ACSS3: variants seen among roughly 807,000 people sequenced by gnomAD.
The protein encoded by ACSS3 is acyl-CoA synthetase short chain family member 3, also known as acyl-CoA synthetase short-chain family member 3, mitochondrial.
A neutral mutation model predicts 84.2 loss-of-function variants in ACSS3; 64 were observed. The ratio of observed to expected loss-of-function variants is 0.76; its 90% CI spans 0.62 to 0.94. The LOEUF is 0.94. Among genes scored for constraint, ACSS3 ranks in the 40% least tolerant of loss-of-function variants. The probability of loss-of-function intolerance (pLI) is 0.00; values close to 1 mark genes in which losing one functional copy is unlikely to be tolerated. For synonymous variants in ACSS3, 317 were observed against 310.1 expected (o/e 1.02, Z -0.23); for missense variants, 815 against 867.6 (o/e 0.94, Z 0.76).
intron 7 of ACSS3, among the ~76,000 whole-genome samples, chr12:81,163,155 T>C (rs1887238022): frequency 6.6e-6 from 1 of 152,198 alleles, no homozygotes; most frequent in East Asian, 1.9e-4. Context: ...AGAAATGAAC[T>C]CTGTAGTCTT....
chr12:81,230,551 G>T (rs543644988), intron 11 of ACSS3, among the ~76,000 whole-genome samples: 18 of 151,914 alleles, frequency 1.2e-4, no homozygotes, highest in African/African-American at 3.9e-4. Flanking sequence ...AGAGGAGGAA[G>T]CAGTGAGAGA....
At chr12:81,250,815 A>G (rs1357292015) in intron 13 of ACSS3, among the ~76,000 whole-genome samples, 1 of 152,214 alleles carries the variant, frequency 6.6e-6, no homozygotes, top group Non-Finnish European at 1.5e-5. Context: ...AGGGAATACC[A>G]AGTCAGAATT....
At position 81,174,946 on chromosome 12, in the gene ACSS3, T is replaced by C. The variant is rs1829365903; in HGVS notation, c.1250+7T>C. On this transcript the variant is annotated splice_region_variant and intron_variant, in intron 8 of 15. Transcript: ENST00000548058. ...AGCAGTACTCTCTGACAAGGTGACG[T>C]TGGGATGCACAGGGCAAATGACATT... 2.5e-6 allele frequency: 4 copies of C among 1,613,004 alleles called. No homozygotes were observed. The highest frequency in any genetic ancestry group is 3.4e-6 in the Non-Finnish European group (4 of 1,179,318).
At chr12:81,086,046 C>A (rs1247813600) in intron 1 of ACSS3, among the ~76,000 whole-genome samples, 1 of 151,910 alleles carries the variant, frequency 6.6e-6, no homozygotes, top group East Asian at 1.9e-4. Flanking sequence ...CAATTTAATC[C>A]CCCTATTGAA....
chr12:81,134,795 G>T, intron 2 of ACSS3, 21 bp from the exon 3 acceptor site: 2 of 1,496,712 alleles, frequency 1.3e-6, no homozygotes, highest in East Asian at 2.4e-5. Context: ...ACACTTTACT[G>T]ATTTAATGGT....
At chr12:81,159,406 G>T (rs1279656869) in intron 7 of ACSS3, among the ~76,000 whole-genome samples, 2 of 152,138 alleles carry the variant, frequency 1.3e-5, no homozygotes, top group Non-Finnish European at 2.9e-5. Flanking sequence ...ATGTTTTATA[G>T]ACAGAGATTT....
rs116290027 is a variant in ACSS3 at position 81,255,093 on chromosome 12, C to A, written c.*171C>A. The A allele has an allele frequency of 1.2e-3, 710 of 596,174 alleles. 4 individuals carry two copies. In the African/African-American group the frequency reaches 0.012, roughly 10 times the overall value. 36.9% of individuals were successfully genotyped at this position (596,174 alleles called of 1,614,324 possible). The stretch of plus-strand genomic sequence containing the variant: ...ATGAAAACATGTGAAAGACCTGTGC[C>A]TTTTTTTTGGTTTGACCCTGTTAGC... On this transcript the variant is annotated 3_prime_UTR_variant, in exon 16 of 16. Coordinates refer to ENST00000548058, the MANE Select transcript of ACSS3 (RefSeq NM_024560.4).
intron 1 of ACSS3, among the ~76,000 whole-genome samples, chr12:81,101,072 G>T (rs1321053898): frequency 6.6e-6 from 1 of 152,090 alleles, no homozygotes; most frequent in Non-Finnish European, 1.5e-5. Flanking sequence ...AGCTGCTTGA[G>T]GTTGATTCTG....
chr12:81,206,506 A>G (rs2032353779), intron 9 of ACSS3, among the ~76,000 whole-genome samples: 1 of 152,076 alleles, frequency 6.6e-6, no homozygotes, highest in African/African-American at 2.4e-5. Flanking sequence ...TTCATAGAAA[A>G]GATATTTTTT....
chr12:81,199,227 A>G, intron 8 of ACSS3, 114 bp from the exon 9 acceptor site: 1 of 852,326 alleles, frequency 1.2e-6, no homozygotes. Flanking sequence ...TATTGGTTAT[A>G]TTGCTGTATT....
intron 1 of ACSS3, among the ~76,000 whole-genome samples, chr12:81,079,339 T>G (rs1593010669): frequency 6.6e-6 from 1 of 152,100 alleles, no homozygotes; most frequent in African/African-American, 2.4e-5. Context: ...GTCTGCCCTC[T>G]GGGGGTGTGA....
chr12:81,123,750 T>C (rs2121549168), intron 2 of ACSS3, among the ~76,000 whole-genome samples: 1 of 152,326 alleles, frequency 6.6e-6, no homozygotes, highest in African/African-American at 2.4e-5. Context: ...GTTAATTTGC[T>C]TTGGATGACA....
chr12:81,103,989 T>C (rs1372985963), intron 1 of ACSS3, among the ~76,000 whole-genome samples: 1 of 152,138 alleles, frequency 6.6e-6, no homozygotes, highest in Non-Finnish European at 1.5e-5. Flanking sequence ...TGATATGAAG[T>C]CTTGGACTAC....
intron 4 of ACSS3, among the ~76,000 whole-genome samples, 166 bp from the exon 5 acceptor site, chr12:81,142,941 A>G (rs1179743704): frequency 6.6e-6 from 1 of 152,202 alleles, no homozygotes; most frequent in African/African-American, 2.4e-5. Context: ...ATAAACATTT[A>G]TGTTAAATCA....
At chr12:81,220,245 T>A (rs2033057018) in intron 11 of ACSS3, among the ~76,000 whole-genome samples, 169 bp downstream of exon 11, 1 of 152,082 alleles carries the variant, frequency 6.6e-6, no homozygotes, top group Non-Finnish European at 1.5e-5. Context: ...AGAAGCCCCA[T>A]AAAATACGAC....
chr12:81,210,208 A>C (rs527473223), intron 9 of ACSS3, among the ~76,000 whole-genome samples: 223 of 152,242 alleles, frequency 1.5e-3, no homozygotes, highest in Non-Finnish European at 1.4e-3. Context: ...TATAAGAGAA[A>C]CCTAATCCTA....
intron 9 of ACSS3, among the ~76,000 whole-genome samples, chr12:81,200,942 C>T (rs564502000): frequency 6.7e-5 from 10 of 149,736 alleles, no homozygotes; most frequent in Non-Finnish European, 1.2e-4. Flanking sequence ...ATGTTTTTTA[C>T]ATCCTTTGTA....
intron 9 of ACSS3, among the ~76,000 whole-genome samples, chr12:81,201,847 T>C (rs1335201396): frequency 6.6e-6 from 1 of 152,210 alleles, no homozygotes; most frequent in Non-Finnish European, 1.5e-5. Context: ...CTAGATTATT[T>C]TGTGCTTTGT....
At chr12:81,191,175 A>T (rs1041075151) in intron 8 of ACSS3, among the ~76,000 whole-genome samples, 1 of 152,082 alleles carries the variant, frequency 6.6e-6, no homozygotes, top group Non-Finnish European at 1.5e-5. Context: ...ATGAACCTAT[A>T]TTGATACTTC....
Sources: gnomAD v4.1 joint callset for allele counts (sites outside exome capture counted in the v4.1 genomes callset) on GRCh38, gnomAD v4.1.1 for gene constraint, MANE v1.5 for transcripts, NCBI Gene and HGNC (gene_info 2026-07-23, HGNC 2026-07-21) for gene names.